Variants in GSE1 observed in about 807,000 individuals in gnomAD.
GSE1 encodes genetic suppressor element 1.
GSE1 carries 32 observed loss-of-function variants against 112.6 expected under a neutral mutation model. The observed-to-expected ratio is 0.28, with a 90% CI of 0.21 to 0.38. GSE1 has a LOEUF of 0.38. GSE1 is among the 10% of genes least tolerant of loss of function. The pLI is 1.00. For synonymous variants in GSE1, 1,115 were observed against 735.6 expected, an observed-to-expected ratio of 1.52 and a Z score of -8.35; for missense variants, 2,348 against 1,699.2, an observed-to-expected ratio of 1.38 and a Z score of -6.71.
chr16:85,569,798 A>C (rs1598219357), intron 1 of GSE1, among the ~76,000 whole-genome samples: 1 of 152,332 alleles, frequency 6.6e-6, no homozygotes, highest in East Asian at 1.9e-4. Flanking sequence ...TCTGCACTGC[A>C]TCAGGCCTGT....
intron 1 of GSE1, among the ~76,000 whole-genome samples, chr16:85,180,349 C>T (rs1047544279): frequency 3.9e-5 from 6 of 152,156 alleles, no homozygotes; most frequent in South Asian, 2.1e-4. Context: ...GGCCCAAAGG[C>T]GGCCCCTCAA....
chr16:85,371,452 G>T (rs532962574), intron 2 of GSE1, among the ~76,000 whole-genome samples: 1 of 152,314 alleles, frequency 6.6e-6, no homozygotes, highest in Middle Eastern at 3.4e-3. Context: ...GGGTGCAGAT[G>T]TGGAGCATGA....
At chr16:85,459,543 G>T (rs1034648261) in intron 2 of GSE1, among the ~76,000 whole-genome samples, 7 of 152,172 alleles carry the variant, frequency 4.6e-5, no homozygotes, top group African/African-American at 1.7e-4. Context: ...CCACTCAGCT[G>T]CCCTTTCACT....
intron 2 of GSE1, among the ~76,000 whole-genome samples, chr16:85,514,208 T>C (rs1172394486): frequency 7.0e-6 from 1 of 142,758 alleles, no homozygotes; most frequent in Non-Finnish European, 1.5e-5. Context: ...CCTCCTCTTC[T>C]GTCTCCCCTC....
chr16:85,203,552 C>T lies in GSE1; in HGVS notation c.2283+31745C>T, dbSNP rs543890997. Among the ~76,000 whole-genome samples the T allele has an allele frequency of 3.9e-5, 6 of 152,260 alleles. No homozygotes were observed. In the East Asian group the frequency reaches 7.7e-4, roughly 20 times the overall value. On this transcript the variant is annotated intron_variant, in intron 1 of 2. Coordinates refer to the GSE1 transcript ENST00000637419. ...GCAGGTTACACAGCTGTGCAGGACA[C>T]GGAAGGGGAGGAAGAGTGGCAAGTG...
intron 2 of GSE1, among the ~76,000 whole-genome samples, chr16:85,450,156 T>C (rs1042899304): frequency 2.3e-5 from 3 of 130,230 alleles, no homozygotes; most frequent in South Asian, 5.2e-4. Flanking sequence ...AATTTCGCTC[T>C]TGTCGCCCAG....
At chr16:85,233,870 C>T (rs539174886) in intron 1 of GSE1, among the ~76,000 whole-genome samples, 2 of 152,030 alleles carry the variant, frequency 1.3e-5, no homozygotes, top group East Asian at 1.9e-4. Flanking sequence ...CCTTTGGAGC[C>T]GACACAGGTT....
At chr16:85,602,779 C>T (rs1051461742) in intron 1 of GSE1, among the ~76,000 whole-genome samples, 5 of 152,210 alleles carry the variant, frequency 3.3e-5, no homozygotes, top group South Asian at 2.1e-4. Flanking sequence ...AATTTCCGGT[C>T]CACTGGTGTC....
intron 1 of GSE1, among the ~76,000 whole-genome samples, chr16:85,334,906 C>G (rs1262847251): frequency 6.6e-6 from 1 of 152,220 alleles, no homozygotes; most frequent in African/African-American, 2.4e-5. Flanking sequence ...GCTGCTCCAA[C>G]AACTTTTATC....
chr16:85,526,996 A>G (rs1188530338), intron 2 of GSE1, among the ~76,000 whole-genome samples: 1 of 152,136 alleles, frequency 6.6e-6, no homozygotes, highest in Non-Finnish European at 1.5e-5. Flanking sequence ...GAAGTGCCAA[A>G]ACAGTGTTGT....
chr16:85,568,575 C>T (rs758345940), intron 1 of GSE1, among the ~76,000 whole-genome samples: 4 of 152,182 alleles, frequency 2.6e-5, no homozygotes, highest in East Asian at 1.9e-4. Context: ...GAATATTCAT[C>T]GTTGACTTCA....
At chr16:85,653,041 C>T (rs545294360) in intron 3 of GSE1, among the ~76,000 whole-genome samples, 1 of 151,226 alleles carries the variant, frequency 6.6e-6, no homozygotes, top group East Asian at 2.0e-4. Flanking sequence ...ACCCCCAGGT[C>T]AGGGTAGGCC....
At chr16:85,449,246 G>C (rs904569974) in intron 2 of GSE1, among the ~76,000 whole-genome samples, 1 of 152,216 alleles carries the variant, frequency 6.6e-6, no homozygotes, top group Non-Finnish European at 1.5e-5. Flanking sequence ...GCCCCACCGC[G>C]CACCACATCT....
At chr16:85,381,580 A>T (rs937202657) in intron 2 of GSE1, among the ~76,000 whole-genome samples, 4 of 152,192 alleles carry the variant, frequency 2.6e-5, no homozygotes, top group African/African-American at 9.7e-5. Flanking sequence ...ACTAAGAGGG[A>T]GGTACTGTTA....
chr16:85,304,963 G>A (rs770846699), intron 1 of GSE1, among the ~76,000 whole-genome samples: 35 of 152,184 alleles, frequency 2.3e-4, no homozygotes, highest in Non-Finnish European at 4.4e-4. Context: ...CCCAGTGTGG[G>A]ACCCACTTCC....
chr16:85,291,845 ACTCGTCC>A (rs1423759916), intron 1 of GSE1, among the ~76,000 whole-genome samples: 2 of 151,260 alleles, frequency 1.3e-5, no homozygotes, highest in Non-Finnish European at 2.9e-5. Context: ...AGCACAAAAC[ACTCGTCC>A]CTCTCACCAC....
chr16:85,594,428 C>T (rs2047136616), intron 1 of GSE1: 3 of 152,240 alleles, frequency 2.0e-5, no homozygotes, highest in Non-Finnish European at 4.4e-5. Flanking sequence ...CCAGGGCCTT[C>T]CTTGGGGCTG....
chr16:85,238,756 G>C (rs1166643020), intron 1 of GSE1, among the ~76,000 whole-genome samples: 1 of 152,124 alleles, frequency 6.6e-6, no homozygotes, highest in Non-Finnish European at 1.5e-5. Context: ...CCCTCAGTCA[G>C]GATAGGGGGG....
chr16:85,448,357 G>A lies in GSE1; in HGVS notation c.2464+90714G>A, dbSNP rs146936869. On this transcript the variant is annotated intron_variant, in intron 2 of 2. Coordinates refer to the GSE1 transcript ENST00000637419. Reference sequence around the variant, plus strand: ...GAAGACCCCTGGGGTGCAAGACCCTGTGCTCTTTGAGTGATGACCAGATAC... The same window carrying A: ...GAAGACCCCTGGGGTGCAAGACCCTATGCTCTTTGAGTGATGACCAGATAC... Among the ~76,000 whole-genome samples the A allele has an allele frequency of 4.8e-3, 727 of 152,316 alleles. 6 individuals carry two copies. Among genetic ancestry groups the A allele is most frequent in the African/African-American group, 0.017 (694 of 41,570 alleles).
Sources: allele counts gnomAD v4.1 joint callset (sites outside exome capture counted in the v4.1 genomes callset), GRCh38; gene constraint gnomAD v4.1.1; transcripts MANE v1.5; gene names NCBI Gene and HGNC (gene_info 2026-07-23, HGNC 2026-07-21).